The following ST18 variants were observed in gnomAD, a reference collection of about 807,000 sequenced individuals.
ST18 encodes the protein ST18 C2H2C-type zinc finger transcription factor, also known as suppression of tumorigenicity 18 protein.
ST18 carries 50 observed loss-of-function variants against 110.0 expected under a neutral mutation model. That is an observed-to-expected ratio of 0.45 (90% confidence interval 0.36 to 0.58). ST18 has a LOEUF of 0.58. Ranked by LOEUF, ST18 falls within the 20% of genes least tolerant of loss-of-function variation. The pLI, the probability that ST18 is intolerant of heterozygous loss-of-function variation, is 0.00. For missense variants in ST18, 1,306 were observed against 1,280.1 expected, an observed-to-expected ratio of 1.02 and a Z score of -0.31; for synonymous variants, 461 against 452.4, an observed-to-expected ratio of 1.02 and a Z score of -0.24.
chr8:52,299,988 G>T (rs962771405), intron 2 of ST18, among the ~76,000 whole-genome samples: 2 of 152,210 alleles, frequency 1.3e-5, no homozygotes, highest in South Asian at 4.1e-4. Context: ...CTAGACCACA[G>T]CGTTGGCAGA....
intron 2 of ST18, among the ~76,000 whole-genome samples, chr8:52,331,370 C>A (rs1809321614): frequency 6.6e-6 from 1 of 151,538 alleles, no homozygotes. Context: ...TATCTATGCA[C>A]ACACATATAT....
intron 2 of ST18, among the ~76,000 whole-genome samples, chr8:52,390,233 C>T (rs1838836669): frequency 6.6e-6 from 1 of 152,176 alleles, no homozygotes; most frequent in Admixed American, 6.5e-5. Context: ...CACCTCCCTT[C>T]CTCCCTTCCC....
intron 2 of ST18, among the ~76,000 whole-genome samples, chr8:52,408,130 T>G (rs2141188197): frequency 6.6e-6 from 1 of 152,318 alleles, no homozygotes; most frequent in Non-Finnish European, 1.5e-5. Flanking sequence ...ATGTTATTTT[T>G]GAATAACATC....
intron 2 of ST18, among the ~76,000 whole-genome samples, chr8:52,305,989 G>T (rs1254428150): frequency 4.6e-5 from 7 of 152,136 alleles, no homozygotes; most frequent in Non-Finnish European, 1.0e-4. Context: ...CCTTCCAATG[G>T]CCTTGAGGCT....
At chr8:52,233,348 T>C (rs2091935278) in intron 2 of ST18, among the ~76,000 whole-genome samples, 1 of 152,094 alleles carries the variant, frequency 6.6e-6, no homozygotes, top group African/African-American at 2.4e-5. Context: ...CCTGAAGATG[T>C]GGAGGCCAAA....
intron 15 of ST18, among the ~76,000 whole-genome samples, chr8:52,158,229 A>G (rs1280697648): frequency 6.6e-6 from 1 of 152,174 alleles, no homozygotes; most frequent in Admixed American, 6.5e-5. Context: ...AGGAGAGGGT[A>G]TTGGAGAAAT....
chr8:52,140,778 C>T (rs2054697409), intron 17 of ST18, among the ~76,000 whole-genome samples: 1 of 152,028 alleles, frequency 6.6e-6, no homozygotes, highest in African/African-American at 2.4e-5. Context: ...AATGGTATTG[C>T]AGGTTAATTT....
intron 2 of ST18, among the ~76,000 whole-genome samples, chr8:52,382,151 G>C (rs905774420): frequency 3.9e-5 from 6 of 152,084 alleles, no homozygotes; most frequent in African/African-American, 1.2e-4. Context: ...CCCAAACCTG[G>C]CAGAGCCGCC....
At chr8:52,180,041 C>A in intron 9 of ST18, 81 bp downstream of exon 9, 2 of 1,408,632 alleles carry the variant, frequency 1.4e-6, no homozygotes, top group East Asian at 4.6e-5. Context: ...ACAAACCATA[C>A]AAACCACACA....
intron 2 of ST18, among the ~76,000 whole-genome samples, chr8:52,270,453 T>A (rs2095037818): frequency 6.6e-6 from 1 of 152,170 alleles, no homozygotes; most frequent in Non-Finnish European, 1.5e-5. Flanking sequence ...CTCACGATCT[T>A]CCCTCTTCGC....
At chr8:52,380,610 C>T (rs1396385156) in intron 2 of ST18, among the ~76,000 whole-genome samples, 6 of 152,056 alleles carry the variant, frequency 3.9e-5, no homozygotes, top group Admixed American at 2.6e-4. Context: ...AGAGGCAAAT[C>T]CCAATCTCAC....
intron 22 of ST18, among the ~76,000 whole-genome samples, chr8:52,131,693 TA>T (rs930577957): frequency 6.6e-6 from 1 of 152,178 alleles, no homozygotes; most frequent in Non-Finnish European, 1.5e-5. Flanking sequence ...AATAGCAGCC[TA>T]AGCAATATTT....
chr8:52,308,724 C>A (rs904444809), intron 2 of ST18, among the ~76,000 whole-genome samples: 1 of 152,182 alleles, frequency 6.6e-6, no homozygotes, highest in Non-Finnish European at 1.5e-5. Context: ...AGGGCAGAAG[C>A]CTCCAAGGAC....
intron 9 of ST18, among the ~76,000 whole-genome samples, chr8:52,178,645 C>CAAAAAAAAAAAAAAAA (rs1563897561): frequency 1.7e-4 from 5 of 30,128 alleles, no homozygotes; most frequent in Non-Finnish European, 3.0e-4. Context: ...AAAAAAAAAC[C>CAAAAAAAAAAAAAAAA]ACCAAAAACC....
intron 2 of ST18, among the ~76,000 whole-genome samples, chr8:52,267,662 A>G (rs961981186): frequency 2.0e-5 from 3 of 152,188 alleles, no homozygotes; most frequent in Non-Finnish European, 2.9e-5. Flanking sequence ...AATAATTATT[A>G]TGCAACCTGT....
chr8:52,357,677 A>ATC (rs1823458599), intron 2 of ST18, among the ~76,000 whole-genome samples: 6 of 4,598 alleles, frequency 1.3e-3, no homozygotes, highest in East Asian at 6.7e-3. Flanking sequence ...AAATCTATAA[A>ATC]TATATATATA....
intron 22 of ST18, among the ~76,000 whole-genome samples, chr8:52,127,538 A>C (rs2047546572): frequency 6.6e-6 from 1 of 152,222 alleles, no homozygotes; most frequent in Non-Finnish European, 1.5e-5. Flanking sequence ...ACCTTCAGTG[A>C]GTCCATTTGT....
chr8:52,221,725 G>C lies in ST18; in HGVS notation c.-350C>G, dbSNP rs2086825772. 6.6e-6 allele frequency: 1 copy of C among 152,092 alleles called. No individual in the cohort carries two copies. The highest frequency in any genetic ancestry group is 1.5e-5 in the Non-Finnish European group (1 of 68,028). The allele number at this position is 152,092 out of a possible 1,614,324, so 9.4% of individuals were successfully genotyped here. ...CTCAGCTTTTTAATCATAGATTTCT[G>C]TGTTTCTTGTAGGATTTGACCAGAC... On this transcript the variant is annotated 5_prime_UTR_variant, in exon 4 of 26. Coordinates refer to ENST00000689386, the MANE Select transcript of ST18 (RefSeq NM_001352837.2).
At chr8:52,146,523 A>G (rs1476040369) in intron 16 of ST18, among the ~76,000 whole-genome samples, 1 of 150,714 alleles carries the variant, frequency 6.6e-6, no homozygotes, top group African/African-American at 2.4e-5. Context: ...TTAATTTCAT[A>G]TGACCAGGAG....
Sources: gnomAD v4.1 joint callset for allele counts (sites outside exome capture counted in the v4.1 genomes callset) on GRCh38, gnomAD v4.1.1 for gene constraint, MANE v1.5 for transcripts, NCBI Gene and HGNC (gene_info 2026-07-23, HGNC 2026-07-21) for gene names.